Variants in KMT2E observed in about 807,000 individuals in gnomAD.
KMT2E encodes histone reader KMT2E.
Under a neutral mutation model 184.6 loss-of-function variants are expected in KMT2E, and 30 were observed. That is an observed-to-expected ratio of 0.16 (90% CI 0.12 to 0.22). The LOEUF is 0.22. Among genes scored for constraint, KMT2E ranks in the 10% least tolerant of loss-of-function variants. KMT2E has a pLI of 1.00. For synonymous variants in KMT2E, 815 were observed against 776.5 expected, an observed-to-expected ratio of 1.05 and a Z score of -0.82; for missense variants, 2,023 against 2,237.4, an observed-to-expected ratio of 0.90 and a Z score of 1.93.
intron 17 of KMT2E, chr7:105,105,160 G>A (rs1346905278): frequency 2.0e-5 from 5 of 246,782 alleles, no homozygotes; most frequent in African/African-American, 4.6e-5. Context: ...GAGATATCTT[G>A]TCTCAAAAAA....
intron 1 of KMT2E, among the ~76,000 whole-genome samples, chr7:105,017,833 T>C (rs1359752663): frequency 1.3e-5 from 2 of 152,222 alleles, no homozygotes; most frequent in East Asian, 3.8e-4. Flanking sequence ...TGAAAGGATC[T>C]CTCTGATTCC....
chr7:105,084,231 C>T (rs764734084), intron 13 of KMT2E, among the ~76,000 whole-genome samples: 2 of 152,196 alleles, frequency 1.3e-5, no homozygotes, highest in Non-Finnish European at 2.9e-5. Context: ...ACATCTTTAG[C>T]AATTCAACTT....
At chr7:105,044,833 T>C (rs1402447910) in intron 3 of KMT2E, among the ~76,000 whole-genome samples, 1 of 152,110 alleles carries the variant, frequency 6.6e-6, no homozygotes, top group African/African-American at 2.4e-5. Flanking sequence ...GTCTTTGATA[T>C]CTCTGAGGGA....
Position 105,105,851 on chromosome 7 carries a change from T to C in KMT2E, c.2452-8T>C. ...TTCCTGTTCATTCATGTATTCTGTT[T>C]TATTCAGCGATGGTTGAAACAAGCT... On this transcript the variant is annotated splice_polypyrimidine_tract_variant and splice_region_variant and intron_variant, in intron 18 of 26. Coordinates refer to ENST00000311117, the MANE Select transcript of KMT2E (RefSeq NM_182931.3). The C allele has an allele frequency of 6.2e-7, 1 of 1,608,504 alleles. No homozygotes were observed. Among genetic ancestry groups the C allele is most frequent in the Non-Finnish European group, 8.5e-7 (1 of 1,178,310 alleles).
At chr7:105,051,341 A>C (rs1562892574) in intron 3 of KMT2E, among the ~76,000 whole-genome samples, 1 of 151,998 alleles carries the variant, frequency 6.6e-6, no homozygotes, top group South Asian at 2.1e-4. Flanking sequence ...ATGCGCCATC[A>C]TGCCCAGCTA....
intron 3 of KMT2E, among the ~76,000 whole-genome samples, chr7:105,048,894 T>G (rs1444292696): frequency 1.3e-5 from 2 of 152,236 alleles, no homozygotes; most frequent in Admixed American, 6.5e-5. Context: ...GATAATATAC[T>G]GTTTCCAACG....
intron 1 of KMT2E, among the ~76,000 whole-genome samples, chr7:105,015,196 G>A (rs1031928953): frequency 6.6e-6 from 1 of 152,032 alleles, no homozygotes; most frequent in Non-Finnish European, 1.5e-5. Context: ...TTACTGTGCC[G>A]GAGCCTTAGG....
intron 13 of KMT2E, among the ~76,000 whole-genome samples, chr7:105,083,128 C>T (rs759077134): frequency 3.9e-5 from 6 of 152,186 alleles, no homozygotes; most frequent in Non-Finnish European, 8.8e-5. Flanking sequence ...TGCACAACAT[C>T]TGGACACAGT....
intron 1 of KMT2E, among the ~76,000 whole-genome samples, chr7:105,025,841 G>A (rs1172010987): frequency 1.3e-5 from 2 of 152,176 alleles, no homozygotes; most frequent in African/African-American, 4.8e-5. Flanking sequence ...CAGTTTAGGT[G>A]TGGGCAAGAT....
intron 3 of KMT2E, among the ~76,000 whole-genome samples, chr7:105,046,359 T>G (rs1796105053): frequency 1.3e-5 from 2 of 152,228 alleles, no homozygotes; most frequent in African/African-American, 4.8e-5. Flanking sequence ...CTTTTAATAG[T>G]ATGCAAAGGC....
chr7:105,108,673 C>G, intron 22 of KMT2E: 1 of 446,014 alleles, frequency 2.2e-6, no homozygotes, highest in Non-Finnish European at 4.3e-6. Flanking sequence ...GTGAGTTACT[C>G]AATTTCCTCA....
chr7:105,076,450 TAG>T (rs1797529179), intron 9 of KMT2E, among the ~76,000 whole-genome samples: 1 of 152,236 alleles, frequency 6.6e-6, no homozygotes. Flanking sequence ...GTTGGGATTC[TAG>T]AGAGTTAGTC....
chr7:105,043,094 C>G (rs181930606), intron 3 of KMT2E, among the ~76,000 whole-genome samples: 45 of 152,232 alleles, frequency 3.0e-4, no homozygotes, highest in Admixed American at 2.9e-3. Flanking sequence ...GAAGAACATC[C>G]TTTAAGTCCA....
At chr7:105,015,915 G>GAA (rs549487677) in intron 1 of KMT2E, among the ~76,000 whole-genome samples, 1 of 141,618 alleles carries the variant, frequency 7.1e-6, no homozygotes, top group Non-Finnish European at 1.5e-5. Context: ...CTCCACTTTT[G>GAA]AAAAAAAAAA....
chr7:105,090,412 G>C lies in KMT2E; in HGVS notation c.1623+139G>C, dbSNP rs895553053. 1.2e-4 allele frequency: 121 copies of C among 974,636 alleles called. No homozygotes were observed. In the Admixed American group the frequency reaches 1.7e-3, roughly 14 times the overall value. 60.4% of individuals were successfully genotyped at this position (974,636 alleles called of 1,614,324 possible). A position where few individuals can be genotyped will look rare whatever the true frequency, so the allele number is the denominator to read the frequency against. ...GTCATTTAATGAAGTATTCATAAGT[G>C]TAAAATACAAGTTCTGCTAGAATTT... On this transcript the variant is annotated intron_variant, in intron 14 of 26. Coordinates refer to ENST00000311117, the MANE Select transcript of KMT2E (RefSeq NM_182931.3).
chr7:105,043,047 G>T (rs1247939381), intron 3 of KMT2E, among the ~76,000 whole-genome samples: 2 of 152,166 alleles, frequency 1.3e-5, no homozygotes, highest in Non-Finnish European at 2.9e-5. Flanking sequence ...CAGTTTGAGA[G>T]TTTATACAGA....
At chr7:105,063,071 A>G (rs1014852321) in intron 4 of KMT2E, among the ~76,000 whole-genome samples, 1 of 131,312 alleles carries the variant, frequency 7.6e-6, no homozygotes, top group African/African-American at 3.2e-5. Context: ...GGAGCTATGT[A>G]TGTGACCATA....
At chr7:105,053,293 T>C (rs1298495705) in intron 3 of KMT2E, among the ~76,000 whole-genome samples, 2 of 152,148 alleles carry the variant, frequency 1.3e-5, no homozygotes, top group African/African-American at 2.4e-5. Context: ...GACCATGATA[T>C]AATAAATTGA....
At chr7:105,101,636 A>G in intron 16 of KMT2E, 47 bp downstream of exon 16, 1 of 1,402,870 alleles carries the variant, frequency 7.1e-7, no homozygotes, top group Non-Finnish European at 9.5e-7. Flanking sequence ...CTTTAAAATA[A>G]AATGTCTATA....
Sources: gnomAD v4.1 joint callset for allele counts (sites outside exome capture counted in the v4.1 genomes callset) on GRCh38, gnomAD v4.1.1 for gene constraint, MANE v1.5 for transcripts, NCBI Gene and HGNC (gene_info 2026-07-23, HGNC 2026-07-21) for gene names.